Variants in MTF2 observed in about 807,000 individuals in gnomAD.
The protein encoded by MTF2 is metal-response element-binding transcription factor 2.
In MTF2, 11 loss-of-function variants were observed where a neutral mutation model predicts 79.5. That is an observed-to-expected ratio of 0.14 (90% CI 0.09 to 0.23). The LOEUF (loss-of-function observed/expected upper bound fraction) is 0.23. MTF2 is among the 10% of genes least tolerant of loss of function. The probability of loss-of-function intolerance (pLI) is 1.00; values close to 1 mark genes in which losing one functional copy is unlikely to be tolerated. For missense variants in MTF2, 486 were observed against 711.2 expected, an observed-to-expected ratio of 0.68 and a Z score of 3.60; for synonymous variants, 208 against 232.8, an observed-to-expected ratio of 0.89 and a Z score of 0.97.
intron 1 of MTF2, among the ~76,000 whole-genome samples, chr1:93,109,722 A>G (rs1025096299): frequency 6.6e-6 from 1 of 152,136 alleles, no homozygotes; most frequent in African/African-American, 2.4e-5. Flanking sequence ...TATTTGCTCA[A>G]TTCAGTGGTG....
chr1:93,136,234 C>G (rs1647387967), intron 14 of MTF2, among the ~76,000 whole-genome samples: 1 of 152,154 alleles, frequency 6.6e-6, no homozygotes, highest in Non-Finnish European at 1.5e-5. Context: ...ATAAGAGAAC[C>G]TCTATTCTAG....
intron 1 of MTF2, among the ~76,000 whole-genome samples, chr1:93,083,782 G>C (rs1040892047): frequency 8.5e-5 from 13 of 152,062 alleles, no homozygotes; most frequent in African/African-American, 3.1e-4. Flanking sequence ...GGTTTGAATT[G>C]GTATTTCATT....
intron 4 of MTF2, 93 bp from the exon 5 acceptor site, chr1:93,114,895 T>C (rs1656184325): frequency 2.5e-6 from 3 of 1,221,092 alleles, no homozygotes; most frequent in Admixed American, 4.6e-5. Flanking sequence ...ATTAATTATA[T>C]TAATGTAGGA....
chr1:93,086,755 T>G (rs539142595), intron 1 of MTF2, among the ~76,000 whole-genome samples: 1 of 152,180 alleles, frequency 6.6e-6, no homozygotes, highest in Non-Finnish European at 1.5e-5. Flanking sequence ...TAAAGTCCTT[T>G]TGTATTTATC....
intron 12 of MTF2, 25 bp from the exon 13 acceptor site, chr1:93,133,903 T>A: frequency 6.5e-7 from 1 of 1,547,812 alleles, no homozygotes; most frequent in South Asian, 1.2e-5. Flanking sequence ...GAGACATGCT[T>A]TAAGTATATA....
Position 93,137,261 on chromosome 1 carries a change from G to A in MTF2, c.*234G>A, listed in dbSNP as rs1571259666. 5 of 382,642 alleles carry A rather than the reference G, an allele frequency of 1.3e-5. No homozygotes were observed. The highest frequency in any genetic ancestry group is 1.2e-4 in the East Asian group (3 of 24,756). The allele number at this position is 382,642 out of a possible 1,614,324, so 23.7% of individuals were successfully genotyped here. A position where few individuals can be genotyped will look rare whatever the true frequency, so the allele number is the denominator to read the frequency against. ...CTTAATTTTTTAAATCTTAAGATTT[G>A]TAGAATGTTTCTAGGATAGGATATT... On this transcript the variant is annotated 3_prime_UTR_variant, in exon 15 of 15. Transcript: ENST00000370298.
intron 14 of MTF2, among the ~76,000 whole-genome samples, chr1:93,136,236 C>G (rs1173376665): frequency 6.6e-6 from 1 of 152,166 alleles, no homozygotes; most frequent in Non-Finnish European, 1.5e-5. Context: ...AAGAGAACCT[C>G]TATTCTAGTT....
rs762638824 is a variant in MTF2, at chr1:93,115,613, T to C, written c.627T>C (p.Pro209=). The C allele has an allele frequency of 3.8e-6, 6 of 1,577,788 alleles. No homozygotes were observed. In the South Asian group the frequency reaches 5.9e-5, roughly 16 times the overall value. The change falls in exon 6 of 15, where the codon CCT becomes CCC. Residue 209 remains proline (P), a synonymous_variant. Transcript: ENST00000370298. ...AGTGTTACTGCTATTGTGGAGGCCCTGGAGAGTAAGTAAATACAGTTATGT... is the reference window on the plus strand; with the variant it reads ...AGTGTTACTGCTATTGTGGAGGCCCCGGAGAGTAAGTAAATACAGTTATGT... ...VQQCYCYCGG[P]GDWYLKMLQC...
chr1:93,110,269 G>A lies in MTF2; in HGVS notation c.45G>A (p.Arg15=), dbSNP rs1430970974. Residue 15 remains arginine, a synonymous_variant, in exon 2 of 15, where the codon CGG becomes CGA. Transcript: ENST00000370298. The part of the protein sequence containing the change: ...TGAGNSLVHK[R]SPLRRNQKTP... ...CAGGTAATTCACTGGTCCACAAGCGGTCTCCTTTACGTCGAAACCAAAAGA... is the reference window on the plus strand; with the variant it reads ...CAGGTAATTCACTGGTCCACAAGCGATCTCCTTTACGTCGAAACCAAAAGA... 2 of 1,614,092 alleles carry A rather than the reference G, an allele frequency of 1.2e-6. No individual in the cohort carries two copies. Among genetic ancestry groups the A allele is most frequent in the South Asian group, 2.2e-5 (2 of 91,070 alleles).
chr1:93,111,315 AG>A (rs1255866323), intron 3 of MTF2, among the ~76,000 whole-genome samples: 1 of 152,176 alleles, frequency 6.6e-6, no homozygotes, highest in Admixed American at 6.5e-5. Flanking sequence ...TGTTCATTAA[AG>A]CCCTACTTTT....
intron 1 of MTF2, among the ~76,000 whole-genome samples, chr1:93,088,439 T>TA (rs1470208089): frequency 6.6e-6 from 1 of 152,234 alleles, no homozygotes. Context: ...TATTGTGATG[T>TA]AAAGATTTTA....
chr1:93,136,549 T>C, intron 14 of MTF2, 121 bp from the exon 15 acceptor site: 1 of 838,562 alleles, frequency 1.2e-6, no homozygotes, highest in Non-Finnish European at 1.9e-6. Flanking sequence ...TGGGTTTGGC[T>C]CATTTTTATA....
chr1:93,103,839 T>C (rs1002639152), intron 1 of MTF2, among the ~76,000 whole-genome samples: 3 of 152,256 alleles, frequency 2.0e-5, no homozygotes, highest in Non-Finnish European at 4.4e-5. Context: ...CTACTTACGT[T>C]TGAGTTGTGA....
At chr1:93,105,650 A>C in intron 1 of MTF2, among the ~76,000 whole-genome samples, 1 of 151,256 alleles carries the variant, frequency 6.6e-6, no homozygotes, top group East Asian at 1.9e-4. Context: ...TTTGTGAATG[A>C]ATATGTTGAA....
intron 1 of MTF2, among the ~76,000 whole-genome samples, chr1:93,090,953 G>C (rs1204964362): frequency 6.6e-6 from 1 of 152,216 alleles, no homozygotes; most frequent in East Asian, 1.9e-4. Flanking sequence ...GTGAGCCACC[G>C]CACCCAGCCT....
chr1:93,110,734 G>A, intron 3 of MTF2, 108 bp downstream of exon 3: 4 of 908,278 alleles, frequency 4.4e-6, no homozygotes, highest in Non-Finnish European at 6.9e-6. Flanking sequence ...AGATAACTCA[G>A]TATTACTTCC....
chr1:93,121,051 C>T, intron 9 of MTF2: 1 of 978,280 alleles, frequency 1.0e-6, no homozygotes, highest in Non-Finnish European at 1.2e-6. Flanking sequence ...AACATTCTTC[C>T]TTCCTCTCTT....
chr1:93,133,955 A>G lies in MTF2; in HGVS notation c.1294A>G (p.Thr432Ala). 1 of 1,581,124 alleles carries G rather than the reference A, an allele frequency of 6.3e-7. No individual in the cohort carries two copies. Among genetic ancestry groups the G allele is most frequent in the African/African-American group, 1.4e-5 (1 of 74,004 alleles). The change falls in exon 13 of 15, where the codon ACT becomes GCT. Residue 432 changes from threonine (T) to alanine (A), a missense_variant. Thr to Ala is a moderately conservative substitution (Grantham distance 58, BLOSUM62 0). This residue lies in a region of MTF2 where 209 missense variants were observed against 206.5 expected (regional missense o/e 1.01). Coordinates refer to ENST00000370298, the MANE Select transcript of MTF2 (RefSeq NM_007358.4). ...TAAGGAATCAATTTCAGAGAATCCT[A>G]CTTTGGATTTACCTTGTTCTATAGG... is the stretch of plus-strand genomic sequence containing the variant. ...LDKESISENP[T>A]LDLPCSIGRT...
chr1:93,114,311 C>T lies in MTF2; in HGVS notation c.287-377C>T, dbSNP rs144338376. On this transcript the variant is annotated intron_variant, in intron 3 of 14. Coordinates refer to ENST00000370298, the MANE Select transcript of MTF2 (RefSeq NM_007358.4). ...GGTGTAGGATAAGTGAATGTATGTA[C>T]ATGAATAGATAAGTATTCTATAAAG... 7.2e-4 allele frequency among the ~76,000 whole-genome samples: 109 copies of T among 152,280 alleles called. No homozygotes were observed. In the East Asian group the frequency reaches 0.02, roughly 28 times the overall value.
Sources: gnomAD v4.1 joint callset for allele counts (sites outside exome capture counted in the v4.1 genomes callset) on GRCh38, gnomAD v4.1.1 for gene constraint, gnomAD v4.1.1 regional missense constraint, MANE v1.5 for transcripts, NCBI Gene and HGNC (gene_info 2026-07-23, HGNC 2026-07-21) for gene names.